The following ROR1 variants were observed in gnomAD, a reference collection of about 807,000 sequenced individuals.
ROR1 encodes ROR family WNT receptor 1.
A neutral mutation model predicts 78.8 loss-of-function variants in ROR1; 19 were observed. The observed-to-expected ratio is 0.24, with a 90% confidence interval of 0.17 to 0.35. ROR1 has a LOEUF of 0.35. Ranked by LOEUF, ROR1 falls within the 10% of genes least tolerant of loss-of-function variation. The pLI is 1.00. For missense variants in ROR1, 917 were observed against 1,177.8 expected, an observed-to-expected ratio of 0.78 and a Z score of 3.24; for synonymous variants, 386 against 433.6, an observed-to-expected ratio of 0.89 and a Z score of 1.36.
Position 63,920,842 on chromosome 1 carries a change from T to A in ROR1, c.92-88463T>A, listed in dbSNP as rs1645648690. On this transcript the variant is annotated intron_variant, in intron 1 of 8. Transcript: ENST00000371079. ...GCCCCAAGGTGGCCCGTGTTACACA[T>A]TCCTTCTTACAGCCAAAGTGGTCAG... Among the ~76,000 whole-genome samples the A allele has an allele frequency of 2.6e-5, 4 of 152,208 alleles. No individual in the cohort carries two copies. The South Asian group carries it at 8.3e-4, about 32-fold the overall frequency.
At chr1:63,859,667 G>A (rs956762764) in intron 1 of ROR1, among the ~76,000 whole-genome samples, 2 of 152,108 alleles carry the variant, frequency 1.3e-5, no homozygotes, top group Non-Finnish European at 2.9e-5. Flanking sequence ...AGGGTGGACT[G>A]ACTGTAAGGC....
At chr1:63,885,980 TGG>T (rs2100381426) in intron 1 of ROR1, among the ~76,000 whole-genome samples, 1 of 140,872 alleles carries the variant, frequency 7.1e-6, no homozygotes, top group South Asian at 2.3e-4. Flanking sequence ...GTAGAATCGG[TGG>T]GAGCCCTGAG....
intron 1 of ROR1, among the ~76,000 whole-genome samples, chr1:63,955,189 C>T (rs1049310105): frequency 1.2e-4 from 18 of 152,220 alleles, no homozygotes; most frequent in East Asian, 1.9e-4. Flanking sequence ...AGCCAGGTTA[C>T]GTGAAATTAA....
chr1:63,985,308 G>A (rs1646241816), intron 1 of ROR1, among the ~76,000 whole-genome samples: 1 of 152,098 alleles, frequency 6.6e-6, no homozygotes, highest in Non-Finnish European at 1.5e-5. Flanking sequence ...GCAACAAACT[G>A]GGCTGATTCT....
At chr1:64,147,296 CAT>C (rs1485058414) in intron 7 of ROR1, among the ~76,000 whole-genome samples, 2 of 152,140 alleles carry the variant, frequency 1.3e-5, no homozygotes, top group African/African-American at 4.8e-5. Flanking sequence ...ATACTAGTCA[CAT>C]GAGAGATGAA....
intron 1 of ROR1, among the ~76,000 whole-genome samples, chr1:63,933,585 G>A (rs1293138978): frequency 1.3e-5 from 2 of 152,132 alleles, no homozygotes; most frequent in African/African-American, 4.8e-5. Context: ...CCATTTCTTG[G>A]GCAGAGATAC....
intron 1 of ROR1, among the ~76,000 whole-genome samples, chr1:63,969,577 A>T (rs760185428): frequency 1.1e-4 from 17 of 151,986 alleles, no homozygotes; most frequent in Non-Finnish European, 2.4e-4. Context: ...TTCCCTGCAA[A>T]CTGGCTTCTC....
chr1:63,915,617 C>G (rs75044171), intron 1 of ROR1, among the ~76,000 whole-genome samples: 4,979 of 152,198 alleles, frequency 0.033, 121 homozygotes, highest in Non-Finnish European at 0.052. Flanking sequence ...CCCTCTGCCC[C>G]CTATCCTTGG....
intron 1 of ROR1, among the ~76,000 whole-genome samples, chr1:63,887,987 G>C (rs1645368758): frequency 6.6e-6 from 1 of 152,118 alleles, no homozygotes. Flanking sequence ...CAGAGGGGAA[G>C]TAACTTGCTT....
intron 1 of ROR1, among the ~76,000 whole-genome samples, chr1:63,830,823 C>T (rs1644983618): frequency 6.6e-6 from 1 of 152,194 alleles, no homozygotes; most frequent in African/African-American, 2.4e-5. Flanking sequence ...CAAGTTCTTT[C>T]CACCTATGAG....
At chr1:63,785,482 CTA>C (rs536055404) in intron 1 of ROR1, among the ~76,000 whole-genome samples, 5 of 147,138 alleles carry the variant, frequency 3.4e-5, no homozygotes, top group Admixed American at 6.8e-5. Flanking sequence ...CAAGCAGCAA[CTA>C]TATATATATA....
intron 1 of ROR1, among the ~76,000 whole-genome samples, chr1:63,880,149 A>G (rs749616287): frequency 2.6e-5 from 4 of 152,234 alleles, no homozygotes; most frequent in African/African-American, 9.6e-5. Context: ...TGACTACAAG[A>G]GCTCTTCTAA....
chr1:63,814,900 T>C (rs771149426), intron 1 of ROR1, among the ~76,000 whole-genome samples: 1 of 152,186 alleles, frequency 6.6e-6, no homozygotes, highest in Non-Finnish European at 1.5e-5. Flanking sequence ...GCCAGTGCTT[T>C]TCATAGCCTC....
chr1:63,984,053 C>A lies in ROR1; in HGVS notation c.92-25252C>A, dbSNP rs898854947. Reference sequence around the variant, plus strand: ...ACATACTGTACTTTTTTTCTATGTGCCTGATAGTTCATGAAGACCAAGTTG... The same window carrying A: ...ACATACTGTACTTTTTTTCTATGTGACTGATAGTTCATGAAGACCAAGTTG... On this transcript the variant is annotated intron_variant, in intron 1 of 8. Transcript: ENST00000371079. Among the ~76,000 whole-genome samples the A allele has an allele frequency of 3.3e-5, 5 of 152,174 alleles. No homozygotes were observed. In the East Asian group the frequency reaches 9.6e-4, roughly 29 times the overall value.
intron 2 of ROR1, among the ~76,000 whole-genome samples, chr1:64,020,498 C>A (rs1475133331): frequency 6.6e-6 from 1 of 152,154 alleles, no homozygotes; most frequent in African/African-American, 2.4e-5. Flanking sequence ...AGGTTTTTCA[C>A]ATACACAGAA....
At chr1:63,962,827 G>A (rs1451597) in intron 1 of ROR1, among the ~76,000 whole-genome samples, 38 of 152,126 alleles carry the variant, frequency 2.5e-4, no homozygotes, top group Admixed American at 1.6e-3. Context: ...GGATACACCC[G>A]TGGATTTTAA....
chr1:63,863,779 TTG>T (rs1645197632), intron 1 of ROR1, among the ~76,000 whole-genome samples: 1 of 148,390 alleles, frequency 6.7e-6, no homozygotes, highest in Non-Finnish European at 1.5e-5. Context: ...TTGTATTGTA[TTG>T]TATTGTATTG....
chr1:63,837,690 G>A (rs144514245), intron 1 of ROR1, among the ~76,000 whole-genome samples: 96 of 152,278 alleles, frequency 6.3e-4, no homozygotes, highest in African/African-American at 2.1e-3. Flanking sequence ...ACACGGTGGC[G>A]TGTTCCTGTA....
intron 4 of ROR1, among the ~76,000 whole-genome samples, chr1:64,112,401 A>G (rs1648136942): frequency 6.6e-6 from 1 of 152,184 alleles, no homozygotes. Flanking sequence ...TCACATAGCT[A>G]GTAAGTGGCA....
Sources: allele counts gnomAD v4.1 joint callset (sites outside exome capture counted in the v4.1 genomes callset), GRCh38; gene constraint gnomAD v4.1.1; transcripts MANE v1.5; gene names NCBI Gene and HGNC (gene_info 2026-07-23, HGNC 2026-07-21).